Variants in VGLL4 observed in about 807,000 individuals in gnomAD.
The protein encoded by VGLL4 is transcription cofactor vestigial-like protein 4.
Under a neutral mutation model 21.0 loss-of-function variants are expected in VGLL4, and 7 were observed. That is an observed-to-expected ratio of 0.33 (90% confidence interval 0.19 to 0.63). The LOEUF (loss-of-function observed/expected upper bound fraction) is 0.63, where lower values mean the gene tolerates loss of function less well. Ranked by LOEUF, VGLL4 falls within the 20% of genes least tolerant of loss-of-function variation. VGLL4 has a pLI of 0.78. For missense variants in VGLL4, 394 were observed against 425.7 expected (o/e 0.93, Z 0.66); for synonymous variants, 222 against 173.2 (o/e 1.28, Z -2.21).
At chr3:11,717,632 CGCCCG>C (rs1559961780) in intron 1 of VGLL4, among the ~76,000 whole-genome samples, 2 of 151,582 alleles carry the variant, frequency 1.3e-5, no homozygotes, top group East Asian at 3.9e-4. Flanking sequence ...TGAAACACCG[CGCCCG>C]GCCCAGAACA....
chr3:11,707,327 CAAAAAAA>C (rs34222383), intron 1 of VGLL4, among the ~76,000 whole-genome samples: 6 of 43,028 alleles, frequency 1.4e-4, no homozygotes, highest in African/African-American at 5.9e-4. Context: ...GACCCTGCCT[CAAAAAAA>C]AAAAAAAAAA....
At chr3:11,584,683 T>C (rs920078450) in intron 2 of VGLL4, among the ~76,000 whole-genome samples, 1 of 152,130 alleles carries the variant, frequency 6.6e-6, no homozygotes, top group African/African-American at 2.4e-5. Context: ...AAAGTTCTTT[T>C]GGTTACAAGC....
chr3:11,573,828 T>C (rs2073948987), intron 2 of VGLL4, among the ~76,000 whole-genome samples: 1 of 152,204 alleles, frequency 6.6e-6, no homozygotes, highest in South Asian at 2.1e-4. Context: ...GTTCTCTGAA[T>C]GTGAGCTTAT....
At chr3:11,591,266 A>G (rs904641563) in intron 2 of VGLL4, among the ~76,000 whole-genome samples, 9 of 152,222 alleles carry the variant, frequency 5.9e-5, no homozygotes, top group African/African-American at 1.7e-4. Context: ...GTCCTCTAAT[A>G]GGCGTTCCTC....
At chr3:11,720,483 C>T (rs976547400) in exon 1 of VGLL4, 3 of 152,658 alleles carry the variant, frequency 2.0e-5, no homozygotes, top group Admixed American at 2.0e-4. Flanking sequence ...GCTCCGACGC[C>T]GCTGGGTTTC....
At position 11,568,591 on chromosome 3, in the gene VGLL4, T is replaced by C; in HGVS notation, c.273-3572A>G. On this transcript the variant is annotated intron_variant, in intron 2 of 4. Coordinates refer to ENST00000430365, the MANE Select transcript of VGLL4 (RefSeq NM_001128219.3). This position sits in a 1 kb window ranked among gnomAD's most constrained non-coding sequence, Gnocchi z 5.9. ...ACTGGCTGGTTAATTTTAGTAAAAT[T>C]ATACATTACTCACATTTCCAGCTCA... 1.3e-6 allele frequency: 2 copies of C among 1,562,238 alleles called. No homozygotes were observed. Among genetic ancestry groups the C allele is most frequent in the Non-Finnish European group, 1.7e-6 (2 of 1,151,998 alleles).
chr3:11,576,019 A>C (rs975695236), intron 2 of VGLL4, among the ~76,000 whole-genome samples: 2 of 152,248 alleles, frequency 1.3e-5, no homozygotes, highest in Admixed American at 6.5e-5. Context: ...AGTTTTCTTT[A>C]ACCAGAACTG....
chr3:11,717,604 G>A (rs967056992), intron 1 of VGLL4, among the ~76,000 whole-genome samples: 2 of 144,042 alleles, frequency 1.4e-5, no homozygotes, highest in African/African-American at 2.6e-5. Flanking sequence ...GCCTCCCAAA[G>A]TTCTGGGATT....
At chr3:11,720,497 C>G (rs923380975) in exon 1 of VGLL4, 2 of 152,394 alleles carry the variant, frequency 1.3e-5, no homozygotes, top group Non-Finnish European at 2.9e-5. Context: ...GGGTTTCCTC[C>G]CATTACAGCA....
chr3:11,578,228 A>G (rs563662887), intron 2 of VGLL4, among the ~76,000 whole-genome samples: 1 of 152,320 alleles, frequency 6.6e-6, no homozygotes, highest in South Asian at 2.1e-4. Context: ...TGGTCACATA[A>G]AAGTCTCCAA....
intron 1 of VGLL4, among the ~76,000 whole-genome samples, chr3:11,707,728 G>A (rs987218673): frequency 1.3e-5 from 2 of 151,366 alleles, no homozygotes; most frequent in African/African-American, 2.4e-5. Flanking sequence ...GCATAGGGAC[G>A]TATACCTATA....
At chr3:11,683,826 T>C (rs2076409434) in intron 2 of VGLL4, among the ~76,000 whole-genome samples, 1 of 151,992 alleles carries the variant, frequency 6.6e-6, no homozygotes. Flanking sequence ...AACTCAACTC[T>C]TACCTTTGAT....
intron 2 of VGLL4, among the ~76,000 whole-genome samples, chr3:11,577,310 G>A (rs986155980): frequency 6.6e-4 from 100 of 152,306 alleles, no homozygotes; most frequent in African/African-American, 2.0e-3. Flanking sequence ...TTATAAAACT[G>A]TTTAGTGGCC....
intron 1 of VGLL4, among the ~76,000 whole-genome samples, chr3:11,627,768 A>AT (rs2075385918): frequency 6.6e-6 from 1 of 152,260 alleles, no homozygotes; most frequent in Non-Finnish European, 1.5e-5. Flanking sequence ...ACAAAGTGAT[A>AT]TAACTGCCAA....
intron 2 of VGLL4, among the ~76,000 whole-genome samples, chr3:11,581,873 G>C (rs925335488): frequency 6.6e-6 from 1 of 152,200 alleles, no homozygotes; most frequent in African/African-American, 2.4e-5. Context: ...TGTACTCCCC[G>C]AATCAGCAGC....
intron 1 of VGLL4, among the ~76,000 whole-genome samples, chr3:11,713,333 G>C (rs2076874319): frequency 6.6e-6 from 1 of 151,954 alleles, no homozygotes; most frequent in African/African-American, 2.4e-5. Context: ...CGGATCATTT[G>C]CTATTCCAGC....
At chr3:11,691,638 C>T (rs2076528285) in intron 2 of VGLL4, among the ~76,000 whole-genome samples, 1 of 152,190 alleles carries the variant, frequency 6.6e-6, no homozygotes, top group Admixed American at 6.5e-5. Flanking sequence ...TCACTGCTCC[C>T]TATAGTCTTA....
At chr3:11,580,610 C>T (rs1245299334) in intron 2 of VGLL4, among the ~76,000 whole-genome samples, 1 of 152,182 alleles carries the variant, frequency 6.6e-6, no homozygotes, top group African/African-American at 2.4e-5. Context: ...TTTCATTTAA[C>T]GTTTGGCCCT....
At chr3:11,718,924 G>C (rs2076954112) in intron 1 of VGLL4, among the ~76,000 whole-genome samples, 1 of 152,180 alleles carries the variant, frequency 6.6e-6, no homozygotes, top group Non-Finnish European at 1.5e-5. Flanking sequence ...TGCCAGCAAC[G>C]TACATAAATA....
Sources: gnomAD v4.1 joint callset for allele counts (sites outside exome capture counted in the v4.1 genomes callset) on GRCh38, gnomAD v4.1.1 for gene constraint, Gnocchi (gnomAD v3.1) non-coding constraint, MANE v1.5 for transcripts, NCBI Gene and HGNC (gene_info 2026-07-23, HGNC 2026-07-21) for gene names.